Variants in DLEC1 observed in about 807,000 individuals in gnomAD.
DLEC1 encodes deleted in lung and esophageal cancer protein 1.
A neutral mutation model predicts 198.1 loss-of-function variants in DLEC1; 146 were observed. The observed-to-expected ratio is 0.74, with a 90% CI of 0.64 to 0.85. The LOEUF (loss-of-function observed/expected upper bound fraction) is 0.85, where lower values mean the gene tolerates loss of function less well. DLEC1 is among the 40% of genes least tolerant of loss of function. The pLI is 0.00. For missense variants in DLEC1, 2,233 were observed against 2,220.0 expected, an observed-to-expected ratio of 1.01 and a Z score of -0.12; for synonymous variants, 897 against 866.8, an observed-to-expected ratio of 1.03 and a Z score of -0.61.
At chr3:38,074,732 T>C (rs1256347893) in intron 6 of DLEC1, among the ~76,000 whole-genome samples, 1 of 152,194 alleles carries the variant, frequency 6.6e-6, no homozygotes, top group South Asian at 2.1e-4. Context: ...AAAAACTCTT[T>C]CCTGTTCATC....
intron 2 of DLEC1, among the ~76,000 whole-genome samples, chr3:38,048,984 A>T (rs927825332): frequency 2.6e-5 from 4 of 152,018 alleles, no homozygotes; most frequent in Non-Finnish European, 2.9e-5. Flanking sequence ...TGGTTGCCTG[A>T]TGTTCCCTGA....
chr3:38,062,774 A>G lies in DLEC1; in HGVS notation c.1067A>G (p.Glu356Gly). The G allele has an allele frequency of 6.2e-7, 1 of 1,614,006 alleles. No individual in the cohort carries two copies. The highest frequency in any genetic ancestry group is 8.5e-7 in the Non-Finnish European group (1 of 1,179,946). Reference sequence around the variant, plus strand: ...CCAAAGAAGCCAGCACCGATAGGAGAATTCCAGAGTACAGAGCCAGAACAG... The same window carrying G: ...CCAAAGAAGCCAGCACCGATAGGAGGATTCCAGAGTACAGAGCCAGAACAG... ...FPPKKPAPIG[E>G]FQSTEPEQSC... Residue 356 changes from glutamate to glycine, a missense_variant, in exon 5 of 37, where the codon GAA becomes GGA. Coordinates refer to ENST00000308059, the MANE Select transcript of DLEC1 (RefSeq NM_007335.4).
Position 38,044,301 on chromosome 3 carries a change from G to A in DLEC1, c.412-1242G>A, listed in dbSNP as rs116429885. 5.5e-3 allele frequency among the ~76,000 whole-genome samples: 836 copies of A among 152,234 alleles called. 5 individuals carry two copies. The highest frequency in any genetic ancestry group is 0.019 in the African/African-American group (796 of 41,538). ...AGACTGGGCGCAGTGGCTCATAACTGCAATCCCAGCGCTTTGGGAGGCTGA... is the reference window on the plus strand; with the variant it reads ...AGACTGGGCGCAGTGGCTCATAACTACAATCCCAGCGCTTTGGGAGGCTGA... On this transcript the variant is annotated intron_variant, in intron 1 of 36. Coordinates refer to ENST00000308059, the MANE Select transcript of DLEC1 (RefSeq NM_007335.4).
chr3:38,072,901 G>T (rs1309526203), intron 6 of DLEC1, among the ~76,000 whole-genome samples: 1 of 152,128 alleles, frequency 6.6e-6, no homozygotes, highest in East Asian at 1.9e-4. Flanking sequence ...GTGTCTTGTT[G>T]AGAAGATTCA....
At chr3:38,083,491 G>A (rs1441093029) in intron 6 of DLEC1, among the ~76,000 whole-genome samples, 1 of 152,088 alleles carries the variant, frequency 6.6e-6, no homozygotes, top group Admixed American at 6.6e-5. Context: ...TTCTTTTGTG[G>A]TGGAATGTCA....
At chr3:38,059,988 G>C (rs907121140) in intron 3 of DLEC1, 136 bp downstream of exon 3, 4 of 741,830 alleles carry the variant, frequency 5.4e-6, no homozygotes, top group African/African-American at 3.5e-5. Flanking sequence ...GTGACTGTTG[G>C]GAAAGTCAAA....
Position 38,107,565 on chromosome 3 carries a change from T to G in DLEC1, c.2865-19T>G. On this transcript the variant is annotated intron_variant, in intron 19 of 36. Coordinates refer to ENST00000308059, the MANE Select transcript of DLEC1 (RefSeq NM_007335.4). ...TCTTCTTTTCTAATCAGTATGCCTT[T>G]TGTTTCCTCGTGTTCCAGCTACCTT... is the stretch of plus-strand genomic sequence containing the variant. The G allele has an allele frequency of 6.3e-7, 1 of 1,577,154 alleles. No individual in the cohort carries two copies. Among genetic ancestry groups the G allele is most frequent in the Non-Finnish European group, 8.6e-7 (1 of 1,158,342 alleles).
chr3:38,085,371 T>G lies in DLEC1; in HGVS notation c.1359T>G (p.Phe453Leu). 6.2e-7 allele frequency: 1 copy of G among 1,614,160 alleles called. No homozygotes were observed. Among genetic ancestry groups the G allele is most frequent in the Middle Eastern group, 1.7e-4 (1 of 6,060 alleles). Residue 453 changes from phenylalanine to leucine, a missense_variant, in exon 8 of 37, where the codon TTT becomes TTG. Physicochemically the swap from Phe to Leu is conservative, Grantham distance 22. Coordinates refer to ENST00000308059, the MANE Select transcript of DLEC1 (RefSeq NM_007335.4). ...FPDCLGDFDD[F>L]ILVETQSAHT... is the part of the protein sequence containing the mutation. ...ACTGCCTTGGGGATTTTGATGATTT[T>G]ATTTTAGTGGAGACCCAGTCAGCCC...
chr3:38,096,492 G>T (rs961751745), intron 14 of DLEC1, 77 bp from the exon 15 acceptor site: 10 of 1,504,844 alleles, frequency 6.6e-6, no homozygotes, highest in Non-Finnish European at 8.9e-6. Flanking sequence ...AAGGCCAAAC[G>T]TGGGACAGAG....
At chr3:38,075,374 A>C (rs1429189368) in intron 6 of DLEC1, among the ~76,000 whole-genome samples, 1 of 152,120 alleles carries the variant, frequency 6.6e-6, no homozygotes, top group Non-Finnish European at 1.5e-5. Flanking sequence ...AGCCATTGTC[A>C]AGTTTGTATT....
In DLEC1 at chr3:38,095,023, A is replaced by T. The variant is rs753844514; in HGVS notation, c.2064A>T (p.Leu688=). The change falls in exon 13 of 37, where the codon CTA becomes CTT. Residue 688 remains leucine, a synonymous_variant. Coordinates refer to ENST00000308059, the MANE Select transcript of DLEC1 (RefSeq NM_007335.4). ...AFSIMPRKGV[L]SPHTDHEFIL... ...CCATCATGCCCAGAAAGGGGGTTCT[A>T]AGCCCCCACACAGACCACGAGTTCA... The T allele has an allele frequency of 2.5e-6, 4 of 1,614,084 alleles. No individual in the cohort carries two copies. The highest frequency in any genetic ancestry group is 3.4e-6 in the Non-Finnish European group (4 of 1,180,030).
chr3:38,108,242 C>T (rs1490658075), intron 20 of DLEC1, among the ~76,000 whole-genome samples, 163 bp from the exon 21 acceptor site: 6 of 152,212 alleles, frequency 3.9e-5, no homozygotes, highest in Admixed American at 6.5e-5. Context: ...AGAAGGGACC[C>T]GTGGTTTATC....
Position 38,062,385 on chromosome 3 carries a change from G to C in DLEC1, c.873+17G>C. 1 of 1,614,048 alleles carries C rather than the reference G, an allele frequency of 6.2e-7. No homozygotes were observed. Among genetic ancestry groups the C allele is most frequent in the Non-Finnish European group, 8.5e-7 (1 of 1,179,980 alleles). ...CCTCTCAAGGTCAGTTTGGAAGGCTGTGCAGAGCAGTGTTTGGGGGGACAG... is the reference window on the plus strand; with the variant it reads ...CCTCTCAAGGTCAGTTTGGAAGGCTCTGCAGAGCAGTGTTTGGGGGGACAG... On this transcript the variant is annotated intron_variant, in intron 4 of 36. Coordinates refer to ENST00000308059, the MANE Select transcript of DLEC1 (RefSeq NM_007335.4).
intron 6 of DLEC1, among the ~76,000 whole-genome samples, chr3:38,072,268 G>A (rs1413205332): frequency 6.6e-6 from 1 of 152,310 alleles, no homozygotes; most frequent in South Asian, 2.1e-4. Flanking sequence ...TGCGTCAGGT[G>A]TGAGGAAGAA....
intron 6 of DLEC1, among the ~76,000 whole-genome samples, chr3:38,077,637 C>A (rs1425897845): frequency 6.6e-6 from 1 of 152,134 alleles, no homozygotes; most frequent in Non-Finnish European, 1.5e-5. Flanking sequence ...GAAGGCTAAA[C>A]TGAGGAATTA....
In DLEC1 at chr3:38,087,065, C is replaced by T. The variant is rs539103910; in HGVS notation, c.1572+688C>T. Among the ~76,000 whole-genome samples the T allele has an allele frequency of 6.1e-5, 9 of 146,628 alleles. No individual in the cohort carries two copies. In the South Asian group the frequency reaches 8.5e-4, roughly 14 times the overall value. ...CTCCAGCCTGGGCGACAGAGTGAGA[C>T]TCCATCTCAAAAAAAAAAAAAAAAT... is the stretch of plus-strand genomic sequence containing the variant. On this transcript the variant is annotated intron_variant, in intron 9 of 36. Transcript: ENST00000308059.
At chr3:38,086,450 T>C in intron 9 of DLEC1, 73 bp downstream of exon 9, 2 of 1,533,070 alleles carry the variant, frequency 1.3e-6, no homozygotes, top group Non-Finnish European at 8.8e-7. Context: ...AGGAACTTAC[T>C]AGAGTATACC....
At chr3:38,084,084 A>G in intron 6 of DLEC1, 74 bp from the exon 7 acceptor site, 1 of 1,427,826 alleles carries the variant, frequency 7.0e-7, no homozygotes, top group Non-Finnish European at 9.8e-7. Flanking sequence ...CTCATATTAG[A>G]GTAAATCCTG....
In DLEC1 at chr3:38,109,561, AGGTGAGCCCAGGGTT is replaced by A; in HGVS notation, c.3260+4_3260+18del. 6.2e-7 allele frequency: 1 copy of A among 1,614,156 alleles called. No homozygotes were observed. Among genetic ancestry groups the A allele is most frequent in the South Asian group, 1.1e-5 (1 of 91,086 alleles). ...CATCTCTAAGGAGAGCTCTGATTGC[AGGTGAGCCCAGGGTT>A]GGTGGTCTGGGGGTGGCAGTGGACT... is the stretch of plus-strand genomic sequence containing the variant. On this transcript the variant is annotated splice_donor_variant and splice_donor_5th_base_variant and coding_sequence_variant and intron_variant, in exon 22 of 37. Coordinates refer to ENST00000308059, the MANE Select transcript of DLEC1 (RefSeq NM_007335.4). LOFTEE classifies it high-confidence loss of function.
Sources: allele counts gnomAD v4.1 joint callset (sites outside exome capture counted in the v4.1 genomes callset), GRCh38; gene constraint gnomAD v4.1.1; transcripts MANE v1.5; gene names NCBI Gene and HGNC (gene_info 2026-07-23, HGNC 2026-07-21).